Variants in DOCK5 observed in about 807,000 individuals in gnomAD.
The protein encoded by DOCK5 is dedicator of cytokinesis 5, also known as dedicator of cytokinesis protein 5.
In DOCK5, 142 loss-of-function variants were observed where a neutral mutation model predicts 251.8. That is an observed-to-expected ratio of 0.56 (90% confidence interval 0.49 to 0.65). DOCK5 has a LOEUF of 0.65. DOCK5 is among the 30% of genes least tolerant of loss of function. DOCK5 has a pLI of 0.00. For missense variants in DOCK5, 2,111 were observed against 2,312.3 expected (o/e 0.91, Z 1.79); for synonymous variants, 842 against 835.5 (o/e 1.01, Z -0.13).
intron 38 of DOCK5, among the ~76,000 whole-genome samples, chr8:25,379,418 C>G (rs1481468068): frequency 6.6e-6 from 1 of 152,156 alleles, no homozygotes; most frequent in Non-Finnish European, 1.5e-5. Flanking sequence ...CATTTATAGG[C>G]TCTCTGCAAG....
At position 25,292,009 on chromosome 8, in the gene DOCK5, A is replaced by G. The variant is rs76082284; in HGVS notation, c.322-15A>G. 0.056 allele frequency: 86,002 copies of G among 1,544,136 alleles called. 2,764 individuals are homozygous for G. The highest frequency in any genetic ancestry group is 0.082 in the Middle Eastern group (475 of 5,812). On this transcript the variant is annotated splice_polypyrimidine_tract_variant and intron_variant, in intron 5 of 51. Coordinates refer to ENST00000276440, the MANE Select transcript of DOCK5 (RefSeq NM_024940.8). Reference sequence around the variant, plus strand: ...TTTCTAAGAATCTTTTCTTCATCATATTTTCTCATCTTAGAACAACAAGCT... The same window carrying G: ...TTTCTAAGAATCTTTTCTTCATCATGTTTTCTCATCTTAGAACAACAAGCT...
chr8:25,234,932 G>A (rs1013066682), intron 1 of DOCK5, among the ~76,000 whole-genome samples: 1 of 152,232 alleles, frequency 6.6e-6, no homozygotes, highest in East Asian at 1.9e-4. Flanking sequence ...TTCATTGACC[G>A]ACTCCCACTG....
At chr8:25,410,987 GCACGCACGCACGCA>G (rs1801620965) in intron 51 of DOCK5, among the ~76,000 whole-genome samples, 193 bp from the exon 52 acceptor site, 3 of 107,060 alleles carry the variant, frequency 2.8e-5, no homozygotes, top group African/African-American at 1.3e-4. Context: ...GCGCGCGCAC[GCACGCACGCACGCA>G]CGCGTGTGTC....
chr8:25,358,882 C>T, intron 27 of DOCK5, 81 bp from the exon 28 acceptor site: 1 of 1,311,084 alleles, frequency 7.6e-7, no homozygotes. Flanking sequence ...TGGGAAAAGC[C>T]AAGTTCATGG....
intron 38 of DOCK5, 71 bp from the exon 39 acceptor site, chr8:25,380,234 C>A: frequency 7.2e-7 from 1 of 1,394,782 alleles, no homozygotes; most frequent in Non-Finnish European, 1.0e-6. Context: ...AGTGACTCGC[C>A]AGTGGCTTTT....
At chr8:25,268,978 C>G in intron 3 of DOCK5, 93 bp downstream of exon 3, 1 of 1,119,052 alleles carries the variant, frequency 8.9e-7, no homozygotes. Flanking sequence ...TCTCTGCTGT[C>G]TCTAGACCTA....
chr8:25,193,196 T>G (rs1464491433), intron 1 of DOCK5, among the ~76,000 whole-genome samples: 6 of 152,152 alleles, frequency 3.9e-5, no homozygotes, highest in Non-Finnish European at 7.3e-5. Flanking sequence ...GAGCCTCTGG[T>G]CACAAGCTTT....
In DOCK5 at chr8:25,395,532, C is replaced by T. The variant is rs376007660; in HGVS notation, c.4528-11C>T. On this transcript the variant is annotated splice_polypyrimidine_tract_variant and intron_variant, in intron 44 of 51. Transcript: ENST00000276440. ...AAGTGTCCTCTTTCTCCCATGTGCT[C>T]TGTCACTCAGGAAGAGATCAGTCCT... The T allele has an allele frequency of 1.1e-5, 18 of 1,601,664 alleles. No homozygotes were observed. The highest frequency in any genetic ancestry group is 3.3e-4 in the Middle Eastern group (2 of 6,024).
chr8:25,281,439 C>CAA (rs35716928), intron 5 of DOCK5, among the ~76,000 whole-genome samples: 2 of 135,690 alleles, frequency 1.5e-5, no homozygotes, highest in Non-Finnish European at 1.6e-5. Flanking sequence ...AACTCCGTCT[C>CAA]AAAAAAAAAA....
intron 5 of DOCK5, among the ~76,000 whole-genome samples, chr8:25,279,359 A>T (rs1279970051): frequency 6.6e-6 from 1 of 152,220 alleles, no homozygotes; most frequent in African/African-American, 2.4e-5. Context: ...TAAATCTAGC[A>T]TTTAACATGA....
At chr8:25,230,467 T>C (rs181833940) in intron 1 of DOCK5, among the ~76,000 whole-genome samples, 7 of 152,346 alleles carry the variant, frequency 4.6e-5, no homozygotes, top group Admixed American at 3.9e-4. Context: ...ACAGGTTTCC[T>C]TTTGTCATTA....
intron 44 of DOCK5, among the ~76,000 whole-genome samples, chr8:25,394,955 G>C (rs1204917464): frequency 6.6e-6 from 1 of 151,960 alleles, no homozygotes; most frequent in African/African-American, 2.4e-5. Flanking sequence ...GGGGTGTTGG[G>C]GGATAGGGGA....
At chr8:25,232,625 G>T (rs1176042979) in intron 1 of DOCK5, among the ~76,000 whole-genome samples, 6 of 152,126 alleles carry the variant, frequency 3.9e-5, no homozygotes, top group Non-Finnish European at 7.4e-5. Context: ...TACAAAAAGG[G>T]CAAGTGAGCT....
At chr8:25,354,627 C>CA (rs58745888) in intron 27 of DOCK5, among the ~76,000 whole-genome samples, 1,808 of 151,914 alleles carry the variant, frequency 0.012, 26 homozygotes, top group African/African-American at 0.042. Flanking sequence ...GAATGATAAG[C>CA]ATAAGAAGGA....
intron 45 of DOCK5, chr8:25,396,009 T>C (rs1801339551): frequency 2.2e-6 from 1 of 464,698 alleles, no homozygotes. Context: ...ACAAACTGAT[T>C]GGTGGACCCC....
intron 2 of DOCK5, among the ~76,000 whole-genome samples, chr8:25,266,834 G>T (rs11782634): frequency 0.075 from 9,274 of 124,410 alleles, 400 homozygotes; most frequent in Non-Finnish European, 0.12. Flanking sequence ...AGAAGACATA[G>T]GAGGTTAAAA....
chr8:25,354,231 T>A (rs1800526332), intron 27 of DOCK5, among the ~76,000 whole-genome samples: 1 of 152,104 alleles, frequency 6.6e-6, no homozygotes, highest in Admixed American at 6.5e-5. Flanking sequence ...TGAAGAACAT[T>A]GCGTTATGCT....
rs1800935989 is a variant in DOCK5 at position 25,374,803 on chromosome 8, C to G, written c.3816+149C>G. On this transcript the variant is annotated intron_variant, in intron 37 of 51. Coordinates refer to ENST00000276440, the MANE Select transcript of DOCK5 (RefSeq NM_024940.8). The stretch of plus-strand genomic sequence containing the variant: ...TTTTTTAGTTCTTTCTAAATAGGCA[C>G]AGCTAATTTGTAGATCAAGTATGGG... 7 of 1,537,030 alleles carry G rather than the reference C, an allele frequency of 4.6e-6. No homozygotes were observed. The Admixed American group carries it at 1.2e-4, about 27-fold the overall frequency.
chr8:25,207,124 A>G (rs1308057143), intron 1 of DOCK5, among the ~76,000 whole-genome samples: 1 of 152,222 alleles, frequency 6.6e-6, no homozygotes, highest in East Asian at 1.9e-4. Context: ...ATGAATGCAG[A>G]CATACCTCCT....
Sources: allele counts gnomAD v4.1 joint callset (sites outside exome capture counted in the v4.1 genomes callset), GRCh38; gene constraint gnomAD v4.1.1; transcripts MANE v1.5; gene names NCBI Gene and HGNC (gene_info 2026-07-23, HGNC 2026-07-21).